Variants in TMEM278 observed in about 807,000 individuals in gnomAD.
The protein encoded by TMEM278 is transmembrane protein 88B.
chr1:1,427,683 G>C, the TMEM278 span: 3 of 1,331,156 alleles, frequency 2.3e-6, no homozygotes, highest in Admixed American at 6.3e-5. Flanking sequence ...CGCCCGCCTA[G>C]CCCGGCGCCT....
At chr1:1,427,578 T>C in the TMEM278 span, 2 of 973,160 alleles carry the variant, frequency 2.1e-6, no homozygotes, top group Non-Finnish European at 1.2e-6. Context: ...GGGTCCCCGG[T>C]GCCGCGCGCT....
chr1:1,427,178 C>T, the TMEM278 span, among the ~76,000 whole-genome samples: 2 of 148,972 alleles, frequency 1.3e-5, no homozygotes, highest in Non-Finnish European at 3.0e-5. Context: ...GCCCTGCACC[C>T]CTCCGTCTCC....
chr1:1,426,164 G>C, the TMEM278 span: 6 of 1,416,570 alleles, frequency 4.2e-6, no homozygotes, highest in South Asian at 6.2e-5. Flanking sequence ...GGAGGAGGAG[G>C]GGGGAGGTGG....
chr1:1,426,646 T>G, the TMEM278 span, among the ~76,000 whole-genome samples: 1 of 152,030 alleles, frequency 6.6e-6, no homozygotes, highest in Non-Finnish European at 1.5e-5. Flanking sequence ...CCTGGACAGC[T>G]GGGTGGGGGT....
chr1:1,427,615 T>C, the TMEM278 span: 2 of 1,282,828 alleles, frequency 1.6e-6, no homozygotes, highest in South Asian at 3.8e-5. Flanking sequence ...TCCGCGGCGC[T>C]CATCGTGTTC....
the TMEM278 span, chr1:1,427,844 C>A: frequency 7.5e-7 from 1 of 1,327,660 alleles, no homozygotes; most frequent in Non-Finnish European, 9.7e-7. Flanking sequence ...GACCCCATCG[C>A]GTGGCCCGGC....
the TMEM278 span, chr1:1,426,272 G>A: frequency 4.6e-4 from 690 of 1,491,992 alleles, 2 homozygotes; most frequent in East Asian, 0.013. Context: ...GCTGCTGCCC[G>A]GCCGGCTGCT....
the TMEM278 span, chr1:1,427,881 G>A: frequency 2.6e-6 from 3 of 1,175,690 alleles, no homozygotes; most frequent in Non-Finnish European, 1.1e-6. Flanking sequence ...CGCCCCCGCT[G>A]CCCCTTCCTG....
the TMEM278 span, chr1:1,426,207 G>T: frequency 2.1e-6 from 3 of 1,413,652 alleles, no homozygotes; most frequent in Middle Eastern, 2.4e-4. Flanking sequence ...CTGCCCCGGG[G>T]ACCTCCCGAC....
chr1:1,428,495 G>A, the TMEM278 span, among the ~76,000 whole-genome samples: 1 of 152,224 alleles, frequency 6.6e-6, no homozygotes, highest in South Asian at 2.1e-4. Flanking sequence ...TCACCAGCGC[G>A]TCCTAGCTGT....
At chr1:1,429,634 C>G in the TMEM278 span, among the ~76,000 whole-genome samples, 1 of 152,154 alleles carries the variant, frequency 6.6e-6, no homozygotes, top group Non-Finnish European at 1.5e-5. Context: ...GGAGACAATT[C>G]TGAGGTCCAA....
chr1:1,427,826 TCG>T, the TMEM278 span: 1 of 1,365,784 alleles, frequency 7.3e-7, no homozygotes, highest in Non-Finnish European at 9.5e-7. Flanking sequence ...GCCTCCGAGC[TCG>T]CGCGCGACCC....
At chr1:1,426,400 C>T in the TMEM278 span, 7 of 1,359,946 alleles carry the variant, frequency 5.1e-6, no homozygotes, top group Non-Finnish European at 6.6e-6. Flanking sequence ...GCCTGTGCCC[C>T]GTGGGCGGGG....
the TMEM278 span, chr1:1,427,619 C>G: frequency 3.0e-6 from 4 of 1,322,712 alleles, no homozygotes; most frequent in Non-Finnish European, 3.9e-6. Flanking sequence ...CGGCGCTCAT[C>G]GTGTTCGGGC....
chr1:1,429,307 C>T, the TMEM278 span, among the ~76,000 whole-genome samples: 2 of 151,474 alleles, frequency 1.3e-5, no homozygotes, highest in East Asian at 3.9e-4. Flanking sequence ...GAGAGGGTGC[C>T]ACTGCACTCC....
At chr1:1,427,934 C>T in the TMEM278 span, 1 of 668,350 alleles carries the variant, frequency 1.5e-6, no homozygotes, top group Non-Finnish European at 2.0e-6. Context: ...CGGCCTCCCC[C>T]GCCCGCAGCC....
At chr1:1,426,876 G>A in the TMEM278 span, among the ~76,000 whole-genome samples, 6 of 151,978 alleles carry the variant, frequency 3.9e-5, no homozygotes, top group Admixed American at 2.0e-4. Flanking sequence ...GAGGGCGCAG[G>A]AGGGCAGAAG....
the TMEM278 span, among the ~76,000 whole-genome samples, chr1:1,426,549 G>A: frequency 6.6e-6 from 1 of 152,140 alleles, no homozygotes; most frequent in African/African-American, 2.4e-5. Flanking sequence ...ACCAGCCACA[G>A]CCAAAGAAGA....
the TMEM278 span, among the ~76,000 whole-genome samples, chr1:1,426,633 G>A: frequency 6.6e-6 from 1 of 152,128 alleles, no homozygotes; most frequent in Non-Finnish European, 1.5e-5. Flanking sequence ...GGGGCCACCA[G>A]GGCCTGGACA....
Sources: gnomAD v4.1 joint callset for allele counts (sites outside exome capture counted in the v4.1 genomes callset) on GRCh38, gnomAD v4.1.1 for gene constraint, MANE v1.5 for transcripts, NCBI Gene and HGNC (gene_info 2026-07-23, HGNC 2026-07-21) for gene names.